The following ALK variants were observed in gnomAD, a reference collection of about 807,000 sequenced individuals.
ALK encodes ALK receptor tyrosine kinase.
Under a neutral mutation model 163.1 loss-of-function variants are expected in ALK, and 74 were observed. The observed-to-expected ratio is 0.45, with a 90% CI of 0.38 to 0.55. The LOEUF (loss-of-function observed/expected upper bound fraction) is 0.55, where lower values mean the gene tolerates loss of function less well. ALK is among the 20% of genes least tolerant of loss of function. The pLI, the probability that ALK is intolerant of heterozygous loss-of-function variation, is 0.00. For synonymous variants in ALK, 960 were observed against 843.2 expected (o/e 1.14, Z -2.40); for missense variants, 2,063 against 2,105.3 (o/e 0.98, Z 0.39).
At chr2:29,215,959 G>T (rs967396651) in intron 23 of ALK, among the ~76,000 whole-genome samples, 1 of 152,176 alleles carries the variant, frequency 6.6e-6, no homozygotes, top group Non-Finnish European at 1.5e-5. Context: ...CTCATCAGGG[G>T]ACCCGAGGTA....
chr2:29,344,038 C>T (rs1395064117), intron 5 of ALK, among the ~76,000 whole-genome samples: 1 of 151,862 alleles, frequency 6.6e-6, no homozygotes, highest in Non-Finnish European at 1.5e-5. Context: ...TTCATGCCCA[C>T]AGGTCTTGGA....
chr2:29,476,005 A>G (rs1284337517), intron 4 of ALK, among the ~76,000 whole-genome samples: 1 of 152,224 alleles, frequency 6.6e-6, no homozygotes, highest in African/African-American at 2.4e-5. Context: ...GGGCAGGGAC[A>G]GTGGGGCAGA....
intron 3 of ALK, among the ~76,000 whole-genome samples, chr2:29,635,684 C>T (rs186833327): frequency 6.6e-6 from 1 of 150,546 alleles, no homozygotes; most frequent in East Asian, 2.0e-4. Context: ...CTCACTGCAA[C>T]CTCCGCCTCC....
chr2:29,307,372 G>C (rs1052183355), intron 8 of ALK, among the ~76,000 whole-genome samples: 1 of 152,218 alleles, frequency 6.6e-6, no homozygotes, highest in African/African-American at 2.4e-5. Context: ...AGATGCTGTA[G>C]TGTGTATTTC....
intron 1 of ALK, among the ~76,000 whole-genome samples, chr2:29,863,844 T>C (rs1157406801): frequency 6.6e-6 from 1 of 152,112 alleles, no homozygotes; most frequent in East Asian, 1.9e-4. Flanking sequence ...ATTGCAGTAT[T>C]ATTAACCTTC....
At chr2:29,518,853 T>C (rs546366702) in intron 4 of ALK, among the ~76,000 whole-genome samples, 94 of 152,290 alleles carry the variant, frequency 6.2e-4, no homozygotes, top group African/African-American at 2.2e-3. Context: ...CATGGTGAAA[T>C]AGGAGAAGGA....
intron 5 of ALK, among the ~76,000 whole-genome samples, chr2:29,376,512 A>G (rs944689928): frequency 6.6e-6 from 1 of 152,244 alleles, no homozygotes; most frequent in African/African-American, 2.4e-5. Flanking sequence ...TTTTATATTA[A>G]TGTTAGCATG....
At chr2:29,333,808 C>T (rs1667528521) in intron 5 of ALK, among the ~76,000 whole-genome samples, 1 of 152,070 alleles carries the variant, frequency 6.6e-6, no homozygotes, top group Non-Finnish European at 1.5e-5. Flanking sequence ...GATGGGGTTT[C>T]ACCATGTTGC....
At chr2:29,681,588 T>C (rs10164718) in intron 3 of ALK, among the ~76,000 whole-genome samples, 438 of 152,290 alleles carry the variant, frequency 2.9e-3, no homozygotes, top group African/African-American at 0.01. Flanking sequence ...AACCGTAGGA[T>C]TGGCTAAAAG....
intron 1 of ALK, among the ~76,000 whole-genome samples, chr2:29,908,390 C>T (rs1176543438): frequency 6.6e-6 from 1 of 152,094 alleles, no homozygotes; most frequent in East Asian, 1.9e-4. Context: ...AATTGTTCTT[C>T]ATCTGGGCAT....
chr2:29,511,384 A>C (rs1429830651), intron 4 of ALK, among the ~76,000 whole-genome samples: 4 of 152,216 alleles, frequency 2.6e-5, no homozygotes, highest in African/African-American at 9.7e-5. Flanking sequence ...TATAAATGGA[A>C]GCACAAACTA....
At chr2:29,693,803 T>C (rs1475111182) in intron 3 of ALK, among the ~76,000 whole-genome samples, 1 of 152,188 alleles carries the variant, frequency 6.6e-6, no homozygotes, top group African/African-American at 2.4e-5. Context: ...AAAGTGCCCT[T>C]GTCTGGGACT....
chr2:29,639,278 C>T (rs148895097), intron 3 of ALK, among the ~76,000 whole-genome samples: 3 of 152,228 alleles, frequency 2.0e-5, no homozygotes, highest in African/African-American at 4.8e-5. Flanking sequence ...AAACCACCTC[C>T]GTAAGCTGTT....
rs375889530 is a variant in ALK at position 29,225,473 on chromosome 2, C to G, written c.3160G>C (p.Gly1054Arg). The G allele has an allele frequency of 6.2e-7, 1 of 1,612,830 alleles. No individual in the cohort carries two copies. The highest frequency in any genetic ancestry group is 8.5e-7 in the Non-Finnish European group (1 of 1,179,742). ...LVAALVLAFS[G>R]IMIVYRRKHQ... ...TCTGTGCACTCACCAATCATGATGC[C>G]GGAGAAAGCCAGGACCAGGGCGGCC... The change falls in exon 19 of 29, where the codon GGC (glycine) becomes CGC (arginine). Residue 1054 changes from glycine (G) to arginine (R), a missense_variant. By Grantham distance (125) the Gly-to-Arg change is moderately radical. Transcript: ENST00000389048.
chr2:29,287,090 A>G (rs998573920), intron 9 of ALK, among the ~76,000 whole-genome samples: 2 of 152,212 alleles, frequency 1.3e-5, no homozygotes, highest in Non-Finnish European at 2.9e-5. Flanking sequence ...GTGCATTGCA[A>G]AAGCTAAGAA....
intron 3 of ALK, among the ~76,000 whole-genome samples, chr2:29,549,340 G>C (rs1049285752): frequency 1.2e-4 from 19 of 152,184 alleles, no homozygotes; most frequent in Admixed American, 3.3e-4. Context: ...TTGTTCCTGA[G>C]CCACCTCTCA....
chr2:29,396,428 C>G (rs763854828), intron 4 of ALK, among the ~76,000 whole-genome samples: 35 of 152,282 alleles, frequency 2.3e-4, no homozygotes, highest in Admixed American at 1.3e-4. Flanking sequence ...GTAATCCCAG[C>G]ACTTTAGGAG....
At chr2:29,336,361 G>C (rs973713303) in intron 5 of ALK, among the ~76,000 whole-genome samples, 20 of 152,256 alleles carry the variant, frequency 1.3e-4, no homozygotes, top group Admixed American at 1.2e-3. Context: ...CTCCCTTCCA[G>C]GGCATCTTTC....
chr2:29,681,331 AT>A (rs775317191), intron 3 of ALK: 15 of 152,102 alleles, frequency 9.9e-5, no homozygotes, highest in Non-Finnish European at 1.8e-4. Context: ...AGCTGTTTTG[AT>A]TTTTAAGCCT....
Sources: allele counts gnomAD v4.1 joint callset (sites outside exome capture counted in the v4.1 genomes callset), GRCh38; gene constraint gnomAD v4.1.1; transcripts MANE v1.5; gene names NCBI Gene and HGNC (gene_info 2026-07-23, HGNC 2026-07-21).